The following BCR variants were observed in gnomAD, a reference collection of about 807,000 sequenced individuals.
BCR encodes the protein breakpoint cluster region protein.
In BCR, 58 loss-of-function variants were observed where a neutral mutation model predicts 138.6. That is an observed-to-expected ratio of 0.42 (90% CI 0.34 to 0.52). The LOEUF (loss-of-function observed/expected upper bound fraction) is 0.52, where lower values mean the gene tolerates loss of function less well. BCR is among the 20% of genes least tolerant of loss of function. The pLI is 0.06. For synonymous variants in BCR, 786 were observed against 730.1 expected, an observed-to-expected ratio of 1.08 and a Z score of -1.23; for missense variants, 1,599 against 1,727.2, an observed-to-expected ratio of 0.93 and a Z score of 1.32.
intron 2 of BCR, among the ~76,000 whole-genome samples, chr22:23,257,355 C>T (rs1363622671): frequency 1.3e-5 from 2 of 152,230 alleles, no homozygotes; most frequent in Admixed American, 6.5e-5. Context: ...TTCCTCCTGG[C>T]TTTCCAAACC....
At chr22:23,276,474 C>A (rs2073577888) in intron 8 of BCR, among the ~76,000 whole-genome samples, 3 of 151,882 alleles carry the variant, frequency 2.0e-5, no homozygotes, top group South Asian at 4.2e-4. Flanking sequence ...CTCCCCAGGA[C>A]CTCGCCCTGG....
At chr22:23,224,928 C>T (rs765320475) in intron 1 of BCR, among the ~76,000 whole-genome samples, 2 of 152,040 alleles carry the variant, frequency 1.3e-5, no homozygotes, top group Non-Finnish European at 2.9e-5. Flanking sequence ...GCAGGCCCCC[C>T]GCTTCTTGGG....
rs760417296 is a variant in BCR, at chr22:23,182,172, C to A, written c.1212C>A (p.Ile404=). 2 of 1,604,248 alleles carry A rather than the reference C, an allele frequency of 1.2e-6. No homozygotes were observed. Among genetic ancestry groups the A allele is most frequent in the Non-Finnish European group, 1.7e-6 (2 of 1,178,904 alleles). ...CGGTTGTCGTGTCCGAGGCCACCAT[C>A]GTGGGCGTCCGCAAGACCGGGCAGA... ...HCPVVVSEAT[I]VGVRKTGQIW... The change falls in exon 1 of 23, where the codon ATC becomes ATA. Residue 404 remains isoleucine (I), a synonymous_variant. Coordinates refer to ENST00000305877, the MANE Select transcript of BCR (RefSeq NM_004327.4).
chr22:23,273,737 C>T lies in BCR; in HGVS notation c.2078C>T (p.Thr693Ile), dbSNP rs1020634700. ...CTGTCCAGCATCAATGAGGAGATCACACCCCGACGGCAGTCCATGACGGTG... is the reference window on the plus strand; with the variant it reads ...CTGTCCAGCATCAATGAGGAGATCATACCCCGACGGCAGTCCATGACGGTG... The part of the protein sequence containing the change: ...NFLSSINEEI[T>I]PRRQSMTVKK... The change falls in exon 8 of 23, where the codon ACA becomes ATA. Residue 693 changes from threonine (T) to isoleucine (I), a missense_variant. Thr to Ile is a moderately conservative substitution (Grantham distance 89, BLOSUM62 -1). This residue lies in a region of BCR where 590 missense variants were observed against 762.4 expected (regional missense o/e 0.77). Coordinates refer to ENST00000305877, the MANE Select transcript of BCR (RefSeq NM_004327.4). The T allele has an allele frequency of 6.2e-7, 1 of 1,614,178 alleles. No homozygotes were observed. Among genetic ancestry groups the T allele is most frequent in the Non-Finnish European group, 8.5e-7 (1 of 1,180,048 alleles).
intron 1 of BCR, among the ~76,000 whole-genome samples, chr22:23,247,575 G>A (rs1213883313): frequency 3.3e-5 from 5 of 152,192 alleles, no homozygotes; most frequent in African/African-American, 4.8e-5. Flanking sequence ...CAGAGGTTGG[G>A]TCAGGGGCTG....
chr22:23,304,457 A>G (rs1157925581), intron 16 of BCR, among the ~76,000 whole-genome samples: 1 of 152,094 alleles, frequency 6.6e-6, no homozygotes, highest in Admixed American at 6.5e-5. Context: ...TACATATAAC[A>G]TGTTTTTATT....
chr22:23,263,119 C>G, intron 4 of BCR: 1 of 710,840 alleles, frequency 1.4e-6, no homozygotes, highest in Non-Finnish European at 2.3e-6. Flanking sequence ...GCCTACATCC[C>G]GGGGACAGGG....
chr22:23,235,542 GGCATAA>G (rs1253630411), intron 1 of BCR, among the ~76,000 whole-genome samples: 1 of 109,126 alleles, frequency 9.2e-6, no homozygotes, highest in Non-Finnish European at 2.4e-5. Context: ...TGTGTTCCAC[GGCATAA>G]TGTGGGGACT....
chr22:23,214,226 G>T (rs1324706936), intron 1 of BCR, among the ~76,000 whole-genome samples: 1 of 151,652 alleles, frequency 6.6e-6, no homozygotes, highest in African/African-American at 2.4e-5. Flanking sequence ...TTTTGTGAGG[G>T]TTAAAGTGGG....
At chr22:23,270,502 T>C (rs1219149782) in intron 5 of BCR, among the ~76,000 whole-genome samples, 3 of 152,162 alleles carry the variant, frequency 2.0e-5, no homozygotes, top group African/African-American at 4.8e-5. Context: ...AGTCTTTTGT[T>C]TGGCTCTCCC....
chr22:23,239,462 C>T (rs921697097), intron 1 of BCR, among the ~76,000 whole-genome samples: 2 of 152,160 alleles, frequency 1.3e-5, no homozygotes, highest in Non-Finnish European at 2.9e-5. Flanking sequence ...TGGGCTGCCT[C>T]CTACTCTGAC....
intron 1 of BCR, among the ~76,000 whole-genome samples, chr22:23,237,639 G>T (rs1320320125): frequency 1.3e-5 from 2 of 152,208 alleles, no homozygotes; most frequent in Non-Finnish European, 2.9e-5. Context: ...CCTGATTTTT[G>T]CTGGAGAAGA....
At chr22:23,192,609 A>G (rs2072429482) in intron 1 of BCR, among the ~76,000 whole-genome samples, 1 of 152,184 alleles carries the variant, frequency 6.6e-6, no homozygotes, top group South Asian at 2.1e-4. Context: ...AATCTCCAAG[A>G]TAGGGATTTC....
chr22:23,285,218 C>T lies in BCR; in HGVS notation c.2406+17C>T. On this transcript the variant is annotated intron_variant, in intron 10 of 22. Transcript: ENST00000305877. The stretch of plus-strand genomic sequence containing the variant: ...AGAGAGAAGGTGCACACCAGGGGAG[C>T]AAGGGCCGGGTTTGGTGTGGTCAGA... 1.2e-6 allele frequency: 2 copies of T among 1,603,710 alleles called. No individual in the cohort carries two copies. Among genetic ancestry groups the T allele is most frequent in the Non-Finnish European group, 1.7e-6 (2 of 1,174,996 alleles).
rs550957080 is a variant in BCR, at chr22:23,181,716, C to G, written c.756C>G (p.Asn252Lys). The G allele has an allele frequency of 6.2e-7, 1 of 1,603,902 alleles. No homozygotes were observed. The highest frequency in any genetic ancestry group is 1.7e-5 in the Admixed American group (1 of 60,022). ...VDGDYEDAEL[N>K]PRFLKDNLID... The stretch of plus-strand genomic sequence containing the variant: ...GCGACTACGAGGACGCCGAGTTGAA[C>G]CCCCGCTTCCTGAAGGACAACCTGA... The change falls in exon 1 of 23, where the codon AAC (asparagine) becomes AAG (lysine). Residue 252 changes from asparagine to lysine, a missense_variant. By Grantham distance (94) the Asn-to-Lys change is moderately conservative. This residue lies in a region of BCR where 806 missense variants were observed against 635.0 expected (regional missense o/e 1.27). Transcript: ENST00000305877.
chr22:23,306,583 A>G (rs963587899), intron 16 of BCR, among the ~76,000 whole-genome samples: 2 of 152,226 alleles, frequency 1.3e-5, no homozygotes, highest in Admixed American at 6.5e-5. Flanking sequence ...CACGTTGGAA[A>G]TTCCCGTAAC....
intron 20 of BCR, among the ~76,000 whole-genome samples, chr22:23,313,603 G>A (rs563634053): frequency 3.3e-5 from 5 of 152,326 alleles, no homozygotes; most frequent in African/African-American, 1.2e-4. Context: ...ACCTCCTTGT[G>A]TTCCTCACTC....
At chr22:23,218,461 T>C (rs1284516859) in intron 1 of BCR, among the ~76,000 whole-genome samples, 1 of 152,226 alleles carries the variant, frequency 6.6e-6, no homozygotes, top group Non-Finnish European at 1.5e-5. Flanking sequence ...CCACTAGTTG[T>C]CCCTGCTCAG....
chr22:23,218,961 C>T lies in BCR; in HGVS notation c.1280-34838C>T, dbSNP rs151024266. Among the ~76,000 whole-genome samples, 346 of 152,294 alleles carry T rather than the reference C, an allele frequency of 2.3e-3. 1 individual carries two copies. The highest frequency in any genetic ancestry group is 7.9e-3 in the African/African-American group (327 of 41,556). On this transcript the variant is annotated intron_variant, in intron 1 of 22. Coordinates refer to ENST00000305877, the MANE Select transcript of BCR (RefSeq NM_004327.4). ...CAGGGAGGAAGCGGTGTTTACAGAG[C>T]GGCCAGCTGGTGCCGGGTGAGGAGG...
Sources: allele counts gnomAD v4.1 joint callset (sites outside exome capture counted in the v4.1 genomes callset), GRCh38; gene constraint gnomAD v4.1.1; regional missense constraint gnomAD v4.1.1; transcripts MANE v1.5; gene names NCBI Gene and HGNC (gene_info 2026-07-23, HGNC 2026-07-21).